The following SYNPR variants were observed in gnomAD, a reference collection of about 807,000 sequenced individuals.
The protein encoded by SYNPR is synaptoporin.
Under a neutral mutation model 32.9 loss-of-function variants are expected in SYNPR, and 23 were observed. The ratio of observed to expected loss-of-function variants is 0.70; its 90% CI spans 0.50 to 0.99. The LOEUF is 0.99. SYNPR is among the 50% of genes least tolerant of loss of function. SYNPR has a pLI of 0.00. For missense variants in SYNPR, 318 were observed against 349.3 expected (o/e 0.91, Z 0.71); for synonymous variants, 146 against 135.9 (o/e 1.07, Z -0.52).
intron 2 of SYNPR, among the ~76,000 whole-genome samples, chr3:63,304,066 C>T (rs2086883509): frequency 6.6e-6 from 1 of 151,990 alleles, no homozygotes; most frequent in Non-Finnish European, 1.5e-5. Flanking sequence ...CTTGCCTTTG[C>T]TCCTTTTCTT....
intron 2 of SYNPR, among the ~76,000 whole-genome samples, chr3:63,339,711 G>A (rs1023526530): frequency 4.6e-5 from 7 of 150,830 alleles, no homozygotes; most frequent in African/African-American, 1.5e-4. Context: ...AGGCTTGAGT[G>A]CTGTGGCGAG....
At chr3:63,419,853 G>A (rs1443116926) in intron 2 of SYNPR, among the ~76,000 whole-genome samples, 5 of 152,156 alleles carry the variant, frequency 3.3e-5, no homozygotes, top group Non-Finnish European at 7.3e-5. Flanking sequence ...TTAGACATCA[G>A]CTCATAAGCA....
At chr3:63,506,093 C>T (rs1309071125) in intron 3 of SYNPR, among the ~76,000 whole-genome samples, 2 of 151,724 alleles carry the variant, frequency 1.3e-5, no homozygotes, top group African/African-American at 4.9e-5. Flanking sequence ...TTCCTTCCTT[C>T]CTTCCTTTTC....
chr3:63,600,684 T>A (rs1700027611), intron 4 of SYNPR, among the ~76,000 whole-genome samples: 1 of 152,190 alleles, frequency 6.6e-6, no homozygotes, highest in Non-Finnish European at 1.5e-5. Flanking sequence ...TATAAGCAAC[T>A]GGCATTTCCC....
intron 2 of SYNPR, among the ~76,000 whole-genome samples, chr3:63,261,763 A>C (rs1442115179): frequency 2.0e-5 from 3 of 150,658 alleles, no homozygotes; most frequent in Non-Finnish European, 4.4e-5. Context: ...CATTCTGAGC[A>C]AACTATCGCA....
In SYNPR at chr3:63,477,322, G is replaced by A. The variant is rs963190644; in HGVS notation, c.85-3510G>A. On this transcript the variant is annotated intron_variant, in intron 2 of 5. Coordinates refer to ENST00000478300, the MANE Select transcript of SYNPR (RefSeq NM_001130003.2). ...AGTTGATTTCACGCTCCAAAATACA[G>A]AAGGATCTGACTCTTCCAGTGTTAT... Among the ~76,000 whole-genome samples the A allele has an allele frequency of 3.3e-5, 5 of 152,296 alleles. No homozygotes were observed. In the South Asian group the frequency reaches 1.0e-3, roughly 32 times the overall value.
At chr3:63,412,611 G>A (rs560220675) in intron 2 of SYNPR, among the ~76,000 whole-genome samples, 3 of 152,224 alleles carry the variant, frequency 2.0e-5, no homozygotes, top group South Asian at 2.1e-4. Context: ...GGGTTGAGGC[G>A]CAGGGATGAG....
chr3:63,239,863 G>T (rs974700031), intron 1 of SYNPR, among the ~76,000 whole-genome samples: 4 of 151,966 alleles, frequency 2.6e-5, no homozygotes, highest in African/African-American at 9.7e-5. Flanking sequence ...ATTGTCAAGT[G>T]TGTCATGCAC....
At chr3:63,539,242 C>A (rs566918538) in intron 3 of SYNPR, among the ~76,000 whole-genome samples, 1 of 151,992 alleles carries the variant, frequency 6.6e-6, no homozygotes. Flanking sequence ...ATGGGTGATT[C>A]CACAACAAAG....
At chr3:63,469,273 C>T (rs1203484913) in intron 2 of SYNPR, among the ~76,000 whole-genome samples, 1 of 152,110 alleles carries the variant, frequency 6.6e-6, no homozygotes, top group Non-Finnish European at 1.5e-5. Context: ...ATCATGAAAG[C>T]ACAGCTTCTG....
intron 1 of SYNPR, among the ~76,000 whole-genome samples, chr3:63,229,954 C>A (rs777154516): frequency 1.3e-5 from 2 of 152,206 alleles, no homozygotes; most frequent in Middle Eastern, 6.8e-3. Flanking sequence ...ATTAAATTTT[C>A]TTTATAAAAA....
At chr3:63,581,326 C>T (rs1381085412) in intron 4 of SYNPR, among the ~76,000 whole-genome samples, 1 of 124,486 alleles carries the variant, frequency 8.0e-6, no homozygotes, top group Non-Finnish European at 1.8e-5. Flanking sequence ...ATGTTGGGGA[C>T]AGGGGTAGGT....
chr3:63,240,432 G>C (rs1031391026), intron 1 of SYNPR, among the ~76,000 whole-genome samples: 4 of 152,106 alleles, frequency 2.6e-5, no homozygotes, highest in African/African-American at 4.8e-5. Context: ...TGAGAAGGGA[G>C]AGGCTTTTTC....
At chr3:63,243,914 G>T (rs749485747) in intron 1 of SYNPR, among the ~76,000 whole-genome samples, 6 of 152,000 alleles carry the variant, frequency 3.9e-5, no homozygotes, top group Non-Finnish European at 8.8e-5. Context: ...GCTAAGCTAG[G>T]AAGGTGAGTC....
chr3:63,258,197 A>G (rs1374508491), intron 2 of SYNPR, among the ~76,000 whole-genome samples: 1 of 152,212 alleles, frequency 6.6e-6, no homozygotes, highest in Non-Finnish European at 1.5e-5. Flanking sequence ...CCAGGAATTG[A>G]ACTCAGCTCT....
chr3:63,614,751 G>A (rs1334780820), intron 5 of SYNPR, among the ~76,000 whole-genome samples: 1 of 152,140 alleles, frequency 6.6e-6, no homozygotes, highest in Non-Finnish European at 1.5e-5. Flanking sequence ...CCTTATAAAT[G>A]AATGCACCAT....
intron 3 of SYNPR, among the ~76,000 whole-genome samples, chr3:63,523,980 C>G (rs1701958083): frequency 6.6e-6 from 1 of 151,986 alleles, no homozygotes; most frequent in African/African-American, 2.4e-5. Context: ...ACTGCATTTC[C>G]CACACATTAA....
chr3:63,291,038 A>T (rs910876504), intron 2 of SYNPR, among the ~76,000 whole-genome samples: 62 of 152,318 alleles, frequency 4.1e-4, no homozygotes, highest in African/African-American at 1.5e-3. Context: ...AAGCATGGAG[A>T]TCCTGAGAGG....
At chr3:63,430,326 T>C (rs1699969371) in intron 2 of SYNPR, among the ~76,000 whole-genome samples, 2 of 151,748 alleles carry the variant, frequency 1.3e-5, no homozygotes, top group Admixed American at 1.3e-4. Flanking sequence ...GTTTGTTCAT[T>C]CCATATTTTC....
Sources: allele counts gnomAD v4.1 joint callset (sites outside exome capture counted in the v4.1 genomes callset), GRCh38; gene constraint gnomAD v4.1.1; transcripts MANE v1.5; gene names NCBI Gene and HGNC (gene_info 2026-07-23, HGNC 2026-07-21).